Variants in UBXN4 observed in about 807,000 individuals in gnomAD.
The protein encoded by UBXN4 is UBX domain-containing protein 4.
A neutral mutation model predicts 66.2 loss-of-function variants in UBXN4; 35 were observed. The ratio of observed to expected loss-of-function variants is 0.53; its 90% CI spans 0.40 to 0.70. UBXN4 has a LOEUF of 0.70. Among genes scored for constraint, UBXN4 ranks in the 30% least tolerant of loss-of-function variants. The probability of loss-of-function intolerance (pLI) is 0.00; values close to 1 mark genes in which losing one functional copy is unlikely to be tolerated. For missense variants in UBXN4, 533 were observed against 599.8 expected (o/e 0.89, Z 1.16); for synonymous variants, 203 against 204.5 (o/e 0.99, Z 0.06).
chr2:135,774,325 C>A (rs557872794), intron 9 of UBXN4, among the ~76,000 whole-genome samples: 1 of 152,100 alleles, frequency 6.6e-6, no homozygotes, highest in Non-Finnish European at 1.5e-5. Context: ...TGAATTTGGA[C>A]CTTTACCTCA....
At chr2:135,759,289 A>G (rs560296244) in intron 5 of UBXN4, among the ~76,000 whole-genome samples, 1 of 152,290 alleles carries the variant, frequency 6.6e-6, no homozygotes, top group East Asian at 1.9e-4. Context: ...AATTTTTAAA[A>G]ATAACAACAA....
At chr2:135,774,778 G>A (rs938813694) in intron 9 of UBXN4, among the ~76,000 whole-genome samples, 3 of 151,870 alleles carry the variant, frequency 2.0e-5, no homozygotes, top group Non-Finnish European at 2.9e-5. Context: ...CAGGGAGGCG[G>A]AGGTTGTAGT....
chr2:135,764,048 C>T (rs182617391), intron 6 of UBXN4, among the ~76,000 whole-genome samples: 14 of 152,120 alleles, frequency 9.2e-5, no homozygotes, highest in South Asian at 6.2e-4. Flanking sequence ...TGCTTGAACC[C>T]GGGATGCAGA....
At position 135,758,948 on chromosome 2, in the gene UBXN4, G is replaced by A. The variant is rs1486133929; in HGVS notation, c.509-2870G>A. ...TAATTTTTGTATTTTTAGTAGAGAC[G>A]GGGTTTCACCATGTTGGCCAGGCTG... On this transcript the variant is annotated intron_variant, in intron 5 of 12. Transcript: ENST00000272638. Among the ~76,000 whole-genome samples, 5 of 151,870 alleles carry A rather than the reference G, an allele frequency of 3.3e-5. No individual in the cohort carries two copies. In the East Asian group the frequency reaches 9.6e-4, roughly 29 times the overall value.
chr2:135,769,986 A>G (rs2077373505), intron 7 of UBXN4, among the ~76,000 whole-genome samples, 163 bp downstream of exon 7: 1 of 152,182 alleles, frequency 6.6e-6, no homozygotes, highest in African/African-American at 2.4e-5. Flanking sequence ...CATAGTATAT[A>G]CATTTTTTGT....
intron 7 of UBXN4, 132 bp from the exon 8 acceptor site, chr2:135,770,437 TGC>T: frequency 7.3e-6 from 4 of 549,124 alleles, no homozygotes; most frequent in Non-Finnish European, 1.3e-5. Flanking sequence ...CCATTAACCA[TGC>T]CATTAATAAA....
intron 5 of UBXN4, among the ~76,000 whole-genome samples, chr2:135,756,260 A>G (rs891358770): frequency 6.6e-6 from 1 of 152,164 alleles, no homozygotes; most frequent in Non-Finnish European, 1.5e-5. Flanking sequence ...CCGAGGGGTA[A>G]ATAAATCAAG....
At chr2:135,765,799 G>A (rs2077343278) in intron 6 of UBXN4, among the ~76,000 whole-genome samples, 1 of 152,100 alleles carries the variant, frequency 6.6e-6, no homozygotes, top group Middle Eastern at 3.4e-3. Flanking sequence ...CTGGGGATCT[G>A]TGCTCACAGA....
At chr2:135,770,391 C>T (rs577331521) in intron 7 of UBXN4, among the ~76,000 whole-genome samples, 180 bp from the exon 8 acceptor site, 4 of 152,278 alleles carry the variant, frequency 2.6e-5, no homozygotes, top group Non-Finnish European at 5.9e-5. Flanking sequence ...TCTTAACAGA[C>T]CATTGGCAAT....
chr2:135,745,220 G>A (rs1221864139), intron 1 of UBXN4, among the ~76,000 whole-genome samples: 1 of 152,066 alleles, frequency 6.6e-6, no homozygotes, highest in Non-Finnish European at 1.5e-5. Flanking sequence ...TAACTCTTCA[G>A]TCTCTTCTTG....
chr2:135,748,902 G>A (rs2077225924), intron 2 of UBXN4, among the ~76,000 whole-genome samples: 1 of 151,588 alleles, frequency 6.6e-6, no homozygotes, highest in African/African-American at 2.4e-5. Context: ...CGGGTGTGGT[G>A]GCACACGCCT....
At chr2:135,767,824 A>C (rs554284294) in intron 6 of UBXN4, among the ~76,000 whole-genome samples, 1 of 152,328 alleles carries the variant, frequency 6.6e-6, no homozygotes, top group African/African-American at 2.4e-5. Flanking sequence ...ACAGCTTTCC[A>C]AAGTGGTTAG....
At chr2:135,774,759 C>T (rs2077402857) in intron 9 of UBXN4, among the ~76,000 whole-genome samples, 1 of 151,778 alleles carries the variant, frequency 6.6e-6, no homozygotes, top group Non-Finnish European at 1.5e-5. Context: ...GCATGAGAAT[C>T]GCTTGAACCA....
chr2:135,744,487 C>T (rs146062693), intron 1 of UBXN4, among the ~76,000 whole-genome samples: 1 of 152,220 alleles, frequency 6.6e-6, no homozygotes, highest in Admixed American at 6.5e-5. Context: ...AATAATCTGA[C>T]GAGACTGAAG....
rs2077275620 is a variant in UBXN4 at position 135,755,682 on chromosome 2, A to G, written c.499A>G (p.Thr167Ala). 5 of 1,525,516 alleles carry G rather than the reference A, an allele frequency of 3.3e-6. No homozygotes were observed. The highest frequency in any genetic ancestry group is 4.4e-6 in the Non-Finnish European group (5 of 1,133,820). 94.5% of individuals were successfully genotyped at this position (1,525,516 alleles called of 1,614,324 possible). Reference sequence around the variant, plus strand: ...ACCCACTTCTGATACAAAGTCAGATACTGCAACAGGTAACTTTTAATGTAC... The same window carrying G: ...ACCCACTTCTGATACAAAGTCAGATGCTGCAACAGGTAACTTTTAATGTAC... ...IPPTSDTKSDTATGGESAGHA... is the reference protein window; with the variant it reads ...IPPTSDTKSDAATGGESAGHA... Residue 167 changes from threonine to alanine, a missense_variant, in exon 5 of 13, where the codon ACT becomes GCT. By Grantham distance (58) the Thr-to-Ala change is moderately conservative. Coordinates refer to ENST00000272638, the MANE Select transcript of UBXN4 (RefSeq NM_014607.4).
intron 1 of UBXN4, among the ~76,000 whole-genome samples, chr2:135,745,875 C>CCTTTTTTTTT (rs1419818076): frequency 8.1e-5 from 6 of 74,396 alleles, no homozygotes; most frequent in African/African-American, 3.1e-4. Context: ...GTCCCGTTTA[C>CCTTTTTTTTT]TTTTTTTTTT....
intron 12 of UBXN4, 128 bp from the exon 13 acceptor site, chr2:135,782,620 CT>C (rs1258874829): frequency 9.0e-7 from 1 of 1,109,388 alleles, no homozygotes; most frequent in East Asian, 2.4e-5. Context: ...CTCCCATGGA[CT>C]TTCCTTACTT....
At chr2:135,765,875 C>T (rs185092904) in intron 6 of UBXN4, among the ~76,000 whole-genome samples, 5 of 151,732 alleles carry the variant, frequency 3.3e-5, no homozygotes, top group East Asian at 3.9e-4. Context: ...GATGCCAGCC[C>T]GGCACAGTGG....
chr2:135,770,142 G>T (rs1056172454), intron 7 of UBXN4, among the ~76,000 whole-genome samples: 2 of 152,122 alleles, frequency 1.3e-5, no homozygotes, highest in Non-Finnish European at 2.9e-5. Context: ...GTGAAAAAAT[G>T]TATAGACATT....
Sources: allele counts gnomAD v4.1 joint callset (sites outside exome capture counted in the v4.1 genomes callset), GRCh38; gene constraint gnomAD v4.1.1; transcripts MANE v1.5; gene names NCBI Gene and HGNC (gene_info 2026-07-23, HGNC 2026-07-21).